Variants in STEEP1 observed in about 807,000 individuals in gnomAD.
STEEP1 encodes STING1 ER exit protein 1.
Under a neutral mutation model 19.2 loss-of-function variants are expected in STEEP1, and 3 were observed. The observed-to-expected ratio is 0.16, with a 90% CI of 0.07 to 0.40. The LOEUF (loss-of-function observed/expected upper bound fraction) is 0.40. STEEP1 is among the 10% of genes least tolerant of loss of function. The probability of loss-of-function intolerance (pLI) is 0.99; values close to 1 mark genes in which losing one functional copy is unlikely to be tolerated. For synonymous variants in STEEP1, 46 were observed against 63.7 expected, an observed-to-expected ratio of 0.72 and a Z score of 1.32; for missense variants, 54 against 177.1, an observed-to-expected ratio of 0.30 and a Z score of 3.94.
chrX:119,562,369 T>TA (rs968843155), intron 1 of STEEP1, among the ~76,000 whole-genome samples: 5 of 110,877 alleles, frequency 4.5e-5, no homozygotes, highest in Non-Finnish European at 9.5e-5. Context: ...CTGTCTCTAC[T>TA]AAAAAAATAC....
chrX:119,539,823 A>AT, intron 6 of STEEP1, 34 bp from the exon 7 acceptor site: 1 of 1,086,259 alleles, frequency 9.2e-7, no homozygotes, highest in Non-Finnish European at 1.3e-6. Flanking sequence ...GTCTTGATAC[A>AT]TGACATGAAA....
intron 4 of STEEP1, 68 bp downstream of exon 4, chrX:119,544,282 TATA>T: frequency 1.1e-6 from 1 of 949,037 alleles, no homozygotes; most frequent in Non-Finnish European, 1.5e-6. Flanking sequence ...TTCTCATCAC[TATA>T]ATCTTATTTC....
chrX:119,565,055 GAA>G (rs11301168), intron 1 of STEEP1, 175 bp downstream of exon 1: 1,170 of 561,702 alleles, frequency 2.1e-3, no homozygotes, highest in African/African-American at 4.1e-3. Flanking sequence ...CAAAAAGCAG[GAA>G]AAAAAAAAAT....
chrX:119,542,435 C>T (rs140539842), intron 5 of STEEP1, 70 bp downstream of exon 5: 8,270 of 761,704 alleles, frequency 0.011, 47 homozygotes, highest in Non-Finnish European at 0.014. Flanking sequence ...CCAAGGCTCC[C>T]GCTCTAGAGT....
At position 119,543,395 on chromosome X, in the gene STEEP1, C is replaced by T. The variant is rs190768611; in HGVS notation, c.424-801G>A. 2.3e-4 allele frequency among the ~76,000 whole-genome samples: 25 copies of T among 109,336 alleles called. No homozygotes were observed. In the East Asian group the frequency reaches 4.3e-3, roughly 19 times the overall value. 94.9% of individuals were successfully genotyped at this position (109,336 alleles called of 115,157 possible). ...AGAGACGGGGTTTCTCCATGTTTGT[C>T]GGGCCGGTCTCGAACTCCTGACCTC... is the stretch of plus-strand genomic sequence containing the variant. On this transcript the variant is annotated intron_variant, in intron 4 of 6. Transcript: ENST00000644802.
intron 2 of STEEP1, 135 bp from the exon 3 acceptor site, chrX:119,545,639 G>A (rs1333443309): frequency 2.8e-5 from 12 of 424,069 alleles, no homozygotes; most frequent in Non-Finnish European, 4.8e-5. Context: ...GCTCACGCCT[G>A]TAATCCCAGC....
chrX:119,555,013 G>A (rs887310758), intron 2 of STEEP1, among the ~76,000 whole-genome samples: 1 of 110,417 alleles, frequency 9.1e-6, no homozygotes, highest in Non-Finnish European at 1.9e-5. Flanking sequence ...GGAGGCTGAG[G>A]TGGGAGGATC....
At chrX:119,560,962 A>G (rs1164892233) in intron 1 of STEEP1, among the ~76,000 whole-genome samples, 2 of 105,593 alleles carry the variant, frequency 1.9e-5, no homozygotes, top group Admixed American at 2.1e-4. Context: ...GTGAATAGCC[A>G]CTGTACTCCT....
At chrX:119,557,363 C>T (rs751725032) in intron 2 of STEEP1, among the ~76,000 whole-genome samples, 15 of 104,907 alleles carry the variant, frequency 1.4e-4, no homozygotes, top group Non-Finnish European at 2.5e-4. Context: ...TTTGGGAGGC[C>T]GAGGTGGGAG....
intron 2 of STEEP1, among the ~76,000 whole-genome samples, chrX:119,556,901 G>A (rs1314269130): frequency 9.0e-6 from 1 of 110,643 alleles, no homozygotes; most frequent in Non-Finnish European, 1.9e-5. Flanking sequence ...TGAGGGGCAG[G>A]CAGAAGAAAA....
intron 2 of STEEP1, among the ~76,000 whole-genome samples, chrX:119,555,058 G>A (rs1659899073): frequency 1.8e-5 from 2 of 108,951 alleles, no homozygotes; most frequent in Admixed American, 9.9e-5. Flanking sequence ...GCAGTGAGCT[G>A]TGATTGTGCC....
intron 1 of STEEP1, 105 bp downstream of exon 1, chrX:119,565,127 A>G: frequency 1.8e-6 from 2 of 1,102,912 alleles, no homozygotes; most frequent in Non-Finnish European, 2.4e-6. Flanking sequence ...AAACCCACCA[A>G]TCTTCGTTGA....
intron 3 of STEEP1, 61 bp from the exon 4 acceptor site, chrX:119,544,552 T>G: frequency 1.9e-6 from 2 of 1,075,063 alleles, no homozygotes; most frequent in South Asian, 3.9e-5. Context: ...AACAGCAATT[T>G]GCAAAGTGTG....
At chrX:119,553,541 CTG>C (rs2053258157) in intron 2 of STEEP1, among the ~76,000 whole-genome samples, 1 of 111,763 alleles carries the variant, frequency 8.9e-6, no homozygotes, top group African/African-American at 3.2e-5. Flanking sequence ...ACTATACAGA[CTG>C]TGCTGACCAT....
At chrX:119,551,656 G>A (rs558750400) in intron 2 of STEEP1, among the ~76,000 whole-genome samples, 21 of 106,555 alleles carry the variant, frequency 2.0e-4, no homozygotes, top group Middle Eastern at 9.5e-3. Flanking sequence ...GAAAAACTCT[G>A]TCAACCTGGG....
chrX:119,544,033 A>G (rs2053183386), intron 4 of STEEP1, among the ~76,000 whole-genome samples: 1 of 111,503 alleles, frequency 9.0e-6, no homozygotes, highest in Non-Finnish European at 1.9e-5. Context: ...ATGCATCCAT[A>G]CACATGCTTG....
chrX:119,539,573 G>T lies in STEEP1; in HGVS notation c.*154C>A. ...AAAGAAAGCAAGTTAAATGGACTCA[G>T]TTAAAGACCTCACTGAATGTAGGAG... On this transcript the variant is annotated 3_prime_UTR_variant, in exon 7 of 7. Coordinates refer to ENST00000644802, the MANE Select transcript of STEEP1 (RefSeq NM_022101.4). 2.4e-6 allele frequency: 1 copy of T among 418,368 alleles called. No homozygotes were observed. The highest frequency in any genetic ancestry group is 4.2e-6 in the Non-Finnish European group (1 of 240,191). 34.5% of individuals were successfully genotyped at this position (418,368 alleles called of 1,213,427 possible).
chrX:119,541,841 G>A (rs929453696), intron 5 of STEEP1, among the ~76,000 whole-genome samples: 3 of 111,814 alleles, frequency 2.7e-5, no homozygotes, highest in Non-Finnish European at 3.8e-5. Context: ...CACAAACCAC[G>A]AGTTGGGCTG....
intron 2 of STEEP1, among the ~76,000 whole-genome samples, chrX:119,557,480 A>C (rs1289592737): frequency 5.6e-5 from 1 of 17,898 alleles, no homozygotes; most frequent in Non-Finnish European, 8.3e-5. Flanking sequence ...CACCATCTCA[A>C]AAAAAAAAAA....
Sources: allele counts gnomAD v4.1 joint callset (sites outside exome capture counted in the v4.1 genomes callset), GRCh38; gene constraint gnomAD v4.1.1; transcripts MANE v1.5; gene names NCBI Gene and HGNC (gene_info 2026-07-23, HGNC 2026-07-21).